The following ZC3H12D variants were observed in gnomAD, a reference collection of about 807,000 sequenced individuals.
The protein encoded by ZC3H12D is zinc finger CCCH-type containing 12D, also known as probable ribonuclease ZC3H12D.
Under a neutral mutation model 24.2 loss-of-function variants are expected in ZC3H12D, and 11 were observed. That is an observed-to-expected ratio of 0.46 (90% CI 0.29 to 0.75). The LOEUF (loss-of-function observed/expected upper bound fraction) is 0.75, where lower values mean the gene tolerates loss of function less well. Ranked by LOEUF, ZC3H12D falls within the 30% of genes least tolerant of loss-of-function variation. The pLI, the probability that ZC3H12D is intolerant of heterozygous loss-of-function variation, is 0.11. For missense variants in ZC3H12D, 740 were observed against 767.7 expected (o/e 0.96, Z 0.43); for synonymous variants, 333 against 341.8 (o/e 0.97, Z 0.28).
chr6:149,478,903 C>T (rs539740257), intron 1 of ZC3H12D, among the ~76,000 whole-genome samples: 14 of 152,174 alleles, frequency 9.2e-5, no homozygotes, highest in South Asian at 2.1e-4. Context: ...CCACCTGCTT[C>T]GAAATCTCCT....
At chr6:149,459,552 G>A in intron 3 of ZC3H12D, 1 of 717,000 alleles carries the variant, frequency 1.4e-6, no homozygotes, top group Admixed American at 2.0e-5. Flanking sequence ...TGCAGTCTTG[G>A]AGCACTTCTG....
In ZC3H12D at chr6:149,461,879, C is replaced by T. The variant is rs1776078856; in HGVS notation, c.397G>A (p.Val133Ile). Residue 133 changes from valine to isoleucine, a missense_variant, in exon 3 of 6, where the codon GTT (valine) becomes ATT (isoleucine). Transcript: ENST00000409806. ...DRGHTYIKVF[V>I]PSWRKDPPRA... The stretch of plus-strand genomic sequence containing the variant: ...GGTGGGTCCTTCCTCCAGGATGGAA[C>T]AAAAACTTTGATGTAGGTGTGTCCT... 3 of 1,594,334 alleles carry T rather than the reference C, an allele frequency of 1.9e-6. No homozygotes were observed. Among genetic ancestry groups the T allele is most frequent in the Non-Finnish European group, 1.7e-6 (2 of 1,170,366 alleles).
intron 3 of ZC3H12D, among the ~76,000 whole-genome samples, chr6:149,461,133 G>A (rs903462549): frequency 2.6e-5 from 4 of 152,104 alleles, no homozygotes. Context: ...ATGAAGTCAA[G>A]AGATTGAGAC....
chr6:149,477,895 C>G (rs1354558336), intron 1 of ZC3H12D, among the ~76,000 whole-genome samples: 2 of 152,080 alleles, frequency 1.3e-5, no homozygotes, highest in Non-Finnish European at 2.9e-5. Flanking sequence ...TTAGGCCGGG[C>G]ACGGGGCTCA....
At chr6:149,481,093 C>CA (rs71818884) in intron 1 of ZC3H12D, among the ~76,000 whole-genome samples, 110,994 of 151,470 alleles carry the variant, frequency 0.73, 42,511 homozygotes, top group East Asian at 0.95. Context: ...TCACTGAGCC[C>CA]AAAGGCTTCC....
chr6:149,482,342 C>G (rs745923336), intron 1 of ZC3H12D, among the ~76,000 whole-genome samples: 17 of 152,258 alleles, frequency 1.1e-4, no homozygotes, highest in Non-Finnish European at 2.2e-4. Flanking sequence ...CTGCCAGCCG[C>G]GTCTCGTTTC....
intron 2 of ZC3H12D, 50 bp from the exon 3 acceptor site, chr6:149,462,020 G>A (rs1197579476): frequency 6.4e-7 from 1 of 1,574,774 alleles, no homozygotes; most frequent in Non-Finnish European, 8.6e-7. Flanking sequence ...GTGTTCCTAA[G>A]AGTGATTTCC....
chr6:149,452,823 C>T lies in ZC3H12D; in HGVS notation c.681-101G>A, dbSNP rs777087123. 1 of 1,065,006 alleles carries T rather than the reference C, an allele frequency of 9.4e-7. No homozygotes were observed. The highest frequency in any genetic ancestry group is 1.4e-5 in the South Asian group (1 of 70,998). The allele number at this position is 1,065,006 out of a possible 1,614,324, so 66.0% of individuals were successfully genotyped here. The stretch of plus-strand genomic sequence containing the variant: ...CAAGTTCCCCAAGAACACCAGGAAG[C>T]ATTCGGCCCCGGGCCCACCATCACC... On this transcript the variant is annotated intron_variant, in intron 4 of 5. Transcript: ENST00000409806. This position sits in a 1 kb window ranked among gnomAD's most constrained non-coding sequence, Gnocchi z 4.0.
chr6:149,478,499 C>G (rs1325835909), intron 1 of ZC3H12D, among the ~76,000 whole-genome samples: 1 of 151,824 alleles, frequency 6.6e-6, no homozygotes, highest in East Asian at 1.9e-4. Flanking sequence ...TTTTTAAGTT[C>G]TTAGTTTTCA....
At chr6:149,473,422 C>T (rs73779376) in intron 2 of ZC3H12D, among the ~76,000 whole-genome samples, 2,235 of 152,304 alleles carry the variant, frequency 0.015, 54 homozygotes, top group African/African-American at 0.052. Context: ...GCCCTTTGCA[C>T]GGTTGTAACA....
chr6:149,483,940 G>A (rs1293728685), intron 1 of ZC3H12D, among the ~76,000 whole-genome samples: 1 of 152,170 alleles, frequency 6.6e-6, no homozygotes, highest in Non-Finnish European at 1.5e-5. Flanking sequence ...GGACACTTGG[G>A]TTGCCTCTGC....
At chr6:149,462,321 C>T (rs534018417) in intron 2 of ZC3H12D, among the ~76,000 whole-genome samples, 20 of 152,270 alleles carry the variant, frequency 1.3e-4, no homozygotes, top group South Asian at 2.1e-4. Context: ...ATTCAGTGAG[C>T]TGCAATCCCA....
At chr6:149,473,007 C>T (rs432582) in intron 2 of ZC3H12D, among the ~76,000 whole-genome samples, 60,765 of 151,960 alleles carry the variant, frequency 0.4, 12,827 homozygotes, top group African/African-American at 0.51. Flanking sequence ...CTATCTGGTG[C>T]CTATACATGA....
chr6:149,465,353 CA>C (rs10617394), intron 2 of ZC3H12D, among the ~76,000 whole-genome samples: 12,744 of 125,942 alleles, frequency 0.1, 1,418 homozygotes, highest in African/African-American at 0.28. Context: ...GACTCTGTCT[CA>C]AAAAAAAAAA....
At chr6:149,468,073 C>T (rs185650143) in intron 2 of ZC3H12D, among the ~76,000 whole-genome samples, 2 of 152,268 alleles carry the variant, frequency 1.3e-5, no homozygotes, top group East Asian at 3.9e-4. Context: ...CCTCCACCTC[C>T]CAGGTTCAAG....
rs745975432 is a variant in ZC3H12D at position 149,456,636 on chromosome 6, C to G, written c.680+30G>C. On this transcript the variant is annotated intron_variant, in intron 4 of 5. Transcript: ENST00000409806. The surrounding 1 kb of genome is among the most constrained non-coding windows in gnomAD (Gnocchi z 4.3). ...CCCCGGCCCCCCGCCCCGCCGCCCC[C>G]CAGGGTGTCAGGACCCCAGCCGGAC... is the stretch of plus-strand genomic sequence containing the variant. 1.3e-6 allele frequency: 2 copies of G among 1,563,876 alleles called. No homozygotes were observed. The highest frequency in any genetic ancestry group is 1.1e-5 in the South Asian group (1 of 90,112).
At position 149,451,300 on chromosome 6, in the gene ZC3H12D, G is replaced by C; in HGVS notation, c.967C>G (p.Arg323Gly). The change falls in exon 6 of 6, where the codon CGG becomes GGG. Residue 323 changes from arginine to glycine, a missense_variant. Transcript: ENST00000409806. ...GGSAGARAAP[R>G]EPFAHSLPPA... is the part of the protein sequence containing the mutation. ...GGGAGGCTGTGCGCAAATGGTTCCCGGGGGGCCGCCCGGGCTCCTGCGGAG... is the reference window on the plus strand; with the variant it reads ...GGGAGGCTGTGCGCAAATGGTTCCCCGGGGGCCGCCCGGGCTCCTGCGGAG... The C allele has an allele frequency of 1.1e-5, 14 of 1,326,130 alleles. No homozygotes were observed. Among genetic ancestry groups the C allele is most frequent in the Non-Finnish European group, 1.3e-5 (14 of 1,047,758 alleles). 82.1% of individuals were successfully genotyped at this position (1,326,130 alleles called of 1,614,324 possible).
intron 1 of ZC3H12D, among the ~76,000 whole-genome samples, chr6:149,480,635 C>G (rs1776410104): frequency 6.6e-6 from 1 of 152,164 alleles, no homozygotes; most frequent in Non-Finnish European, 1.5e-5. Context: ...ACTCAGGAGA[C>G]TGAGGCAGGA....
rs747974279 is a variant in ZC3H12D, at chr6:149,452,661, T to G, written c.742A>C (p.Arg248=). The G allele has an allele frequency of 1.2e-6, 2 of 1,607,872 alleles. No homozygotes were observed. The highest frequency in any genetic ancestry group is 1.1e-5 in the South Asian group (1 of 89,774). Residue 248 remains arginine, a synonymous_variant, in exon 5 of 6, where the codon AGG becomes CGG. Transcript: ENST00000409806. The surrounding 1 kb of genome is among the most constrained non-coding windows in gnomAD (Gnocchi z 4.0). ...GATGGCTCTGGGGGCTTCGGCTTCC[T>G]GCTCAGGAAGTTGCTCAGGGAGGGT... ...HGPSLSNFLS[R]KPKPPEPSWQ...
Sources: gnomAD v4.1 joint callset for allele counts (sites outside exome capture counted in the v4.1 genomes callset) on GRCh38, gnomAD v4.1.1 for gene constraint, Gnocchi (gnomAD v3.1) non-coding constraint, MANE v1.5 for transcripts, NCBI Gene and HGNC (gene_info 2026-07-23, HGNC 2026-07-21) for gene names.